The following KIF18A variants were observed in gnomAD, a reference collection of about 807,000 sequenced individuals.
The protein encoded by KIF18A is kinesin-like protein KIF18A.
KIF18A carries 67 observed loss-of-function variants against 103.3 expected under a neutral mutation model. The ratio of observed to expected loss-of-function variants is 0.65; its 90% CI spans 0.53 to 0.79. KIF18A has a LOEUF of 0.79. Ranked by LOEUF, KIF18A falls within the 30% of genes least tolerant of loss-of-function variation. The pLI is 0.00. For missense variants in KIF18A, 1,032 were observed against 1,062.5 expected, an observed-to-expected ratio of 0.97 and a Z score of 0.40; for synonymous variants, 367 against 355.5, an observed-to-expected ratio of 1.03 and a Z score of -0.36.
chr11:28,092,247 CTT>C (rs78119989), intron 3 of KIF18A, among the ~76,000 whole-genome samples: 37,504 of 152,042 alleles, frequency 0.25, 4,866 homozygotes, highest in African/African-American at 0.29. Flanking sequence ...GTAGTCCAAA[CTT>C]TTGAAATTTT....
chr11:28,053,791 T>C (rs1183532204), intron 13 of KIF18A, among the ~76,000 whole-genome samples: 1 of 152,120 alleles, frequency 6.6e-6, no homozygotes, highest in Non-Finnish European at 1.5e-5. Flanking sequence ...AGACTAGACA[T>C]GAGCTGATAA....
intron 6 of KIF18A, among the ~76,000 whole-genome samples, chr11:28,085,996 A>T (rs1446986163): frequency 6.6e-6 from 1 of 152,194 alleles, no homozygotes; most frequent in East Asian, 1.9e-4. Flanking sequence ...CTGAGTAAGT[A>T]TGAACTTTAG....
At chr11:28,099,980 C>G (rs1450354957) in intron 1 of KIF18A, among the ~76,000 whole-genome samples, 1 of 152,056 alleles carries the variant, frequency 6.6e-6, no homozygotes, top group Non-Finnish European at 1.5e-5. Context: ...GTAGTGGCAG[C>G]AGAGGTGGTA....
intron 13 of KIF18A, among the ~76,000 whole-genome samples, chr11:28,051,759 T>C (rs1393159387): frequency 6.6e-6 from 1 of 152,054 alleles, no homozygotes; most frequent in African/African-American, 2.4e-5. Context: ...CCTATGGCTT[T>C]AAATATCATC....
chr11:28,080,937 T>C (rs757613718), intron 9 of KIF18A, among the ~76,000 whole-genome samples: 19 of 152,194 alleles, frequency 1.2e-4, no homozygotes, highest in Non-Finnish European at 1.0e-4. Flanking sequence ...AACAGCCTTA[T>C]TGCTGATATG....
At chr11:28,043,156 C>A (rs1190166596) in intron 13 of KIF18A, among the ~76,000 whole-genome samples, 1 of 151,774 alleles carries the variant, frequency 6.6e-6, no homozygotes, top group Non-Finnish European at 1.5e-5. Context: ...TCAGTCCTGG[C>A]TCAGTTGTTT....
chr11:28,091,483 C>G lies in KIF18A; in HGVS notation c.514G>C (p.Val172Leu). 1 of 1,609,056 alleles carries G rather than the reference C, an allele frequency of 6.2e-7. No individual in the cohort carries two copies. Among genetic ancestry groups the G allele is most frequent in the Non-Finnish European group, 8.5e-7 (1 of 1,176,196 alleles). Reference sequence around the variant, plus strand: ...CGGACAGCAAGTGGCCCTGAATTTACTAAGAGATCACGAATCTGTTCATTA... The same window carrying G: ...CGGACAGCAAGTGGCCCTGAATTTAGTAAGAGATCACGAATCTGTTCATTA... ...VYNEQIRDLLVNSGPLAVRED... is the reference protein window; with the variant it reads ...VYNEQIRDLLLNSGPLAVRED... The change falls in exon 4 of 17, where the codon GTA becomes CTA. Residue 172 changes from valine to leucine, a missense_variant. Val to Leu is a conservative substitution (Grantham distance 32). Transcript: ENST00000263181.
At chr11:28,098,229 G>A (rs1054848145) in intron 1 of KIF18A, among the ~76,000 whole-genome samples, 4 of 151,884 alleles carry the variant, frequency 2.6e-5, no homozygotes, top group Admixed American at 6.6e-5. Context: ...TGGCACATAC[G>A]TACACACAAC....
chr11:28,073,774 G>T (rs373021484), intron 10 of KIF18A, among the ~76,000 whole-genome samples: 2 of 152,116 alleles, frequency 1.3e-5, no homozygotes, highest in East Asian at 3.9e-4. Context: ...CAACTAGTAT[G>T]TAAATAATTG....
chr11:28,057,508 C>G (rs1046223876), intron 13 of KIF18A, among the ~76,000 whole-genome samples: 1 of 151,772 alleles, frequency 6.6e-6, no homozygotes, highest in Non-Finnish European at 1.5e-5. Flanking sequence ...GAGCGAGACT[C>G]GGTCTCAAAA....
In KIF18A at chr11:28,082,861, G is replaced by A. The variant is rs370457263; in HGVS notation, c.1257C>T (p.Ile419=). Residue 419 remains isoleucine, a synonymous_variant, in exon 9 of 17, where the codon ATC becomes ATT. Transcript: ENST00000263181. ...LMISNPQEKE[I]ERFQEILNCL... is the part of the protein sequence containing the mutation. ...GATCTTAATGTAATGTTTACCTTTC[G>A]ATTTCTTTTTCCTGAGGGTTTGAAA... 105 of 1,562,470 alleles carry A rather than the reference G, an allele frequency of 6.7e-5. No individual in the cohort carries two copies. The highest frequency in any genetic ancestry group is 9.1e-5 in the Non-Finnish European group (104 of 1,144,790).
At chr11:28,069,516 T>C (rs1034330118) in intron 10 of KIF18A, 93 bp from the exon 11 acceptor site, 30 of 1,172,268 alleles carry the variant, frequency 2.6e-5, no homozygotes, top group South Asian at 5.0e-5. Flanking sequence ...ATGTGTACTA[T>C]TGTAGTAAAT....
chr11:28,081,456 C>T (rs546981075), intron 9 of KIF18A, among the ~76,000 whole-genome samples: 3 of 152,054 alleles, frequency 2.0e-5, no homozygotes, highest in Non-Finnish European at 2.9e-5. Context: ...ATGAAATATG[C>T]TAAATTTAAC....
chr11:28,040,156 C>A (rs908295009), intron 13 of KIF18A, among the ~76,000 whole-genome samples: 1 of 151,586 alleles, frequency 6.6e-6, no homozygotes, highest in Non-Finnish European at 1.5e-5. Context: ...TATATAAATA[C>A]AATTACATAA....
chr11:28,063,091 A>G (rs2133531212), intron 11 of KIF18A, among the ~76,000 whole-genome samples: 1 of 152,214 alleles, frequency 6.6e-6, no homozygotes, highest in Non-Finnish European at 1.5e-5. Flanking sequence ...GCATGAAACA[A>G]AAGATCATAT....
intron 10 of KIF18A, among the ~76,000 whole-genome samples, chr11:28,071,273 T>G (rs776892027): frequency 7.2e-5 from 11 of 152,140 alleles, no homozygotes; most frequent in Non-Finnish European, 1.6e-4. Context: ...AGAGGCTAAA[T>G]GATGTGTAAC....
rs1590654264 is a variant in KIF18A, at chr11:28,020,992, G to C, written c.*208C>G. On this transcript the variant is annotated 3_prime_UTR_variant, in exon 17 of 17. Coordinates refer to ENST00000263181, the MANE Select transcript of KIF18A (RefSeq NM_031217.4). ...CAACAAATATTTAAAAAACTTAAAAGACAACCTTTTCTTTTGAAATTTTAT... is the reference window on the plus strand; with the variant it reads ...CAACAAATATTTAAAAAACTTAAAACACAACCTTTTCTTTTGAAATTTTAT... The C allele has an allele frequency of 2.7e-6, 1 of 372,898 alleles. No homozygotes were observed. The highest frequency in any genetic ancestry group is 6.4e-5 in the East Asian group (1 of 15,710). 23.1% of individuals were successfully genotyped at this position (372,898 alleles called of 1,614,324 possible).
chr11:28,035,307 A>T, intron 15 of KIF18A, 80 bp downstream of exon 15: 1 of 606,484 alleles, frequency 1.6e-6, no homozygotes, highest in Non-Finnish European at 2.6e-6. Flanking sequence ...AATTATAAAA[A>T]ATAAAAAAGC....
intron 10 of KIF18A, among the ~76,000 whole-genome samples, chr11:28,070,683 A>G (rs1404971917): frequency 6.6e-6 from 1 of 152,234 alleles, no homozygotes; most frequent in African/African-American, 2.4e-5. Context: ...AGTCAAGAAG[A>G]GAAAACAAAA....
Sources: allele counts gnomAD v4.1 joint callset (sites outside exome capture counted in the v4.1 genomes callset), GRCh38; gene constraint gnomAD v4.1.1; transcripts MANE v1.5; gene names NCBI Gene and HGNC (gene_info 2026-07-23, HGNC 2026-07-21).